Variants in BACH2 observed in about 807,000 individuals in gnomAD.
BACH2 encodes transcription regulator protein BACH2.
In BACH2, 5 loss-of-function variants were observed where a neutral mutation model predicts 61.8. That is an observed-to-expected ratio of 0.08 (90% CI 0.04 to 0.17). The LOEUF is 0.17. BACH2 is among the 10% of genes least tolerant of loss of function. BACH2 has a pLI of 1.00. For missense variants in BACH2, 824 were observed against 1,091.1 expected (o/e 0.76, Z 3.45); for synonymous variants, 446 against 440.1 (o/e 1.01, Z -0.17).
intron 6 of BACH2, among the ~76,000 whole-genome samples, chr6:89,975,583 G>T (rs1407049822): frequency 6.6e-6 from 1 of 152,130 alleles, no homozygotes; most frequent in Admixed American, 6.5e-5. Flanking sequence ...TCCTCTGCCT[G>T]GCCGCTGTCT....
intron 5 of BACH2, among the ~76,000 whole-genome samples, chr6:90,017,186 A>T (rs577051438): frequency 1.0e-4 from 15 of 148,246 alleles, no homozygotes; most frequent in South Asian, 4.3e-4. Flanking sequence ...ACAAATGCCC[A>T]TTTTTTTTTT....
intron 4 of BACH2, among the ~76,000 whole-genome samples, chr6:90,112,357 G>C (rs933806436): frequency 6.6e-5 from 10 of 152,056 alleles, no homozygotes; most frequent in African/African-American, 2.2e-4. Context: ...AGAGAGAAAG[G>C]GCAGGTCAAC....
At chr6:90,065,270 C>CTTTTTTTTTTTTTTTT (rs71027920) in intron 5 of BACH2, among the ~76,000 whole-genome samples, 1,265 of 52,670 alleles carry the variant, frequency 0.024, 172 homozygotes, top group Admixed American at 0.036. Flanking sequence ...GCCGCCCCCA[C>CTTTTTTTTTTTTTTTT]TTTTTTTTTT....
rs538873062 is a variant in BACH2 at position 90,065,460 on chromosome 6, T to C, written c.-13+23501A>G. Among the ~76,000 whole-genome samples the C allele has an allele frequency of 2.6e-5, 4 of 152,082 alleles. No homozygotes were observed. In the South Asian group the frequency reaches 8.3e-4, roughly 32 times the overall value. On this transcript the variant is annotated intron_variant, in intron 5 of 8. Transcript: ENST00000257749. The stretch of plus-strand genomic sequence containing the variant: ...CTTAAAGGACCAGCAGGAAATACTT[T>C]AGGCCTGTGGGCCATATGATCATCT...
chr6:90,092,291 A>AAAAAAAAAAAAAAAAAATAT, intron 4 of BACH2, among the ~76,000 whole-genome samples: 2 of 113,842 alleles, frequency 1.8e-5, no homozygotes, highest in African/African-American at 7.2e-5. Flanking sequence ...AAAAAAAAAA[A>AAAAAAAAAAAAAAAAAATAT]ATATATATAT....
intron 5 of BACH2, among the ~76,000 whole-genome samples, chr6:90,082,916 G>A (rs1053695672): frequency 2.6e-5 from 4 of 152,156 alleles, no homozygotes; most frequent in Non-Finnish European, 5.9e-5. Context: ...GGAAAAACAT[G>A]CTAGAAATAA....
intron 4 of BACH2, among the ~76,000 whole-genome samples, chr6:90,105,763 G>A (rs1181809005): frequency 6.6e-6 from 1 of 152,154 alleles, no homozygotes; most frequent in Non-Finnish European, 1.5e-5. Flanking sequence ...AAATGAACAA[G>A]AAGAAAAGTG....
At chr6:90,141,339 T>C (rs1260345277) in intron 4 of BACH2, among the ~76,000 whole-genome samples, 2 of 151,772 alleles carry the variant, frequency 1.3e-5, no homozygotes, top group Admixed American at 1.3e-4. Flanking sequence ...TGCCACCATA[T>C]CCAGCTAATT....
rs1184543049 is a variant in BACH2 at position 89,972,698 on chromosome 6, AAT to A, written c.244-20838_244-20837del. Among the ~76,000 whole-genome samples, 9 of 152,246 alleles carry A rather than the reference AAT, an allele frequency of 5.9e-5. No individual in the cohort carries two copies. The East Asian group carries it at 9.7e-4, about 16-fold the overall frequency. The stretch of plus-strand genomic sequence containing the variant: ...CAGTCTGTTGTTTCAGTTTCTGCCT[AAT>A]GTAGGATTTTTAAAAACAGCACACT... On this transcript the variant is annotated intron_variant, in intron 6 of 8. Coordinates refer to ENST00000257749, the MANE Select transcript of BACH2 (RefSeq NM_021813.4).
chr6:89,974,795 A>G (rs528085121), intron 6 of BACH2, among the ~76,000 whole-genome samples: 2 of 152,252 alleles, frequency 1.3e-5, no homozygotes, highest in Non-Finnish European at 2.9e-5. Context: ...TCAATGCATA[A>G]TTGCATACCC....
At chr6:90,178,333 C>T (rs1371959433) in intron 4 of BACH2, among the ~76,000 whole-genome samples, 1 of 152,166 alleles carries the variant, frequency 6.6e-6, no homozygotes, top group African/African-American at 2.4e-5. Context: ...ATCCCTCACT[C>T]AGACATCAGA....
intron 1 of BACH2, among the ~76,000 whole-genome samples, chr6:90,293,583 G>A (rs1772248122): frequency 6.6e-6 from 1 of 152,204 alleles, no homozygotes; most frequent in African/African-American, 2.4e-5. Context: ...GCCTAGGAGA[G>A]ATCTGAACAT....
chr6:90,037,396 C>G (rs1048563620), intron 5 of BACH2, among the ~76,000 whole-genome samples: 3 of 152,222 alleles, frequency 2.0e-5, no homozygotes, highest in African/African-American at 7.2e-5. Context: ...TTTTACACAA[C>G]TATAAAATCA....
intron 4 of BACH2, among the ~76,000 whole-genome samples, chr6:90,125,794 G>A (rs1161386950): frequency 6.6e-6 from 1 of 152,188 alleles, no homozygotes. Flanking sequence ...CTTCTCTACT[G>A]AACAAGTGGC....
At chr6:90,139,556 T>C (rs1341589821) in intron 4 of BACH2, among the ~76,000 whole-genome samples, 1 of 152,218 alleles carries the variant, frequency 6.6e-6, no homozygotes, top group African/African-American at 2.4e-5. Flanking sequence ...GCAGAGTTCA[T>C]TTGTTAGTTC....
chr6:90,049,911 A>C (rs1370414895), intron 5 of BACH2, among the ~76,000 whole-genome samples: 8 of 152,212 alleles, frequency 5.3e-5, no homozygotes, highest in Admixed American at 5.2e-4. Context: ...TTTTACTTGA[A>C]AGAATGACTG....
chr6:90,014,286 T>C (rs184071216), intron 5 of BACH2, among the ~76,000 whole-genome samples: 1 of 150,538 alleles, frequency 6.6e-6, no homozygotes, highest in African/African-American at 2.4e-5. Flanking sequence ...GCTTTTTTTT[T>C]TTTTTCTTTT....
At chr6:90,280,122 G>A (rs1485080818) in intron 1 of BACH2, among the ~76,000 whole-genome samples, 1 of 151,884 alleles carries the variant, frequency 6.6e-6, no homozygotes, top group African/African-American at 2.4e-5. Flanking sequence ...CTATGTATAA[G>A]AAGAAAAAAT....
rs79684428 is a variant in BACH2 at position 89,976,525 on chromosome 6, G to A, written c.244-24663C>T. Among the ~76,000 whole-genome samples the A allele has an allele frequency of 5.1e-3, 783 of 152,294 alleles. 8 individuals carry two copies. Among genetic ancestry groups the A allele is most frequent in the African/African-American group, 0.017 (726 of 41,554 alleles). ...CTTGCTCCTGCAATTGTGTGTGTGG[G>A]CAGGAAAAGGGGGTCTTCTCTTTTA... On this transcript the variant is annotated intron_variant, in intron 6 of 8. Coordinates refer to ENST00000257749, the MANE Select transcript of BACH2 (RefSeq NM_021813.4).
Sources: gnomAD v4.1 joint callset for allele counts (sites outside exome capture counted in the v4.1 genomes callset) on GRCh38, gnomAD v4.1.1 for gene constraint, MANE v1.5 for transcripts, NCBI Gene and HGNC (gene_info 2026-07-23, HGNC 2026-07-21) for gene names.